The following RABL3 variants were observed in gnomAD, a reference collection of about 807,000 sequenced individuals.
The protein encoded by RABL3 is rab-like protein 3.
A neutral mutation model predicts 31.8 loss-of-function variants in RABL3; 31 were observed. The ratio of observed to expected loss-of-function variants is 0.97; its 90% CI spans 0.73 to 1.31. RABL3 has a LOEUF of 1.31. Ranked by LOEUF, RABL3 falls within the 40% of genes most tolerant of loss-of-function variation. The pLI is 0.00. For synonymous variants in RABL3, 97 were observed against 99.9 expected, an observed-to-expected ratio of 0.97 and a Z score of 0.18; for missense variants, 263 against 279.6, an observed-to-expected ratio of 0.94 and a Z score of 0.42.
intron 2 of RABL3, among the ~76,000 whole-genome samples, chr3:120,713,111 T>C (rs1461256970): frequency 5.3e-5 from 8 of 152,286 alleles, no homozygotes; most frequent in East Asian, 1.9e-4. Flanking sequence ...ATAGCCATCA[T>C]CCAATGTAAA....
chr3:120,741,921 A>G (rs1709048303), intron 1 of RABL3, among the ~76,000 whole-genome samples: 1 of 152,200 alleles, frequency 6.6e-6, no homozygotes, highest in Admixed American at 6.5e-5. Context: ...CGCGTTCAAA[A>G]GGATTCTGTC....
At chr3:120,731,717 A>G (rs1405054693) in intron 1 of RABL3, among the ~76,000 whole-genome samples, 2 of 152,070 alleles carry the variant, frequency 1.3e-5, no homozygotes, top group African/African-American at 2.4e-5. Context: ...CCTATTGTTT[A>G]TTTTTTATTA....
chr3:120,716,426 A>C (rs1266034914), intron 2 of RABL3, among the ~76,000 whole-genome samples: 4 of 152,182 alleles, frequency 2.6e-5, no homozygotes, highest in African/African-American at 9.7e-5. Flanking sequence ...CATTAAACTC[A>C]TTAGCTTCAC....
chr3:120,706,142 ATCCC>A, intron 3 of RABL3, 28 bp from the exon 4 acceptor site: 1 of 1,378,478 alleles, frequency 7.3e-7, no homozygotes, highest in Non-Finnish European at 1.0e-6. Context: ...AACAATGTTA[ATCCC>A]TTAACAATTC....
At chr3:120,692,947 G>A (rs1018877492) in intron 6 of RABL3, among the ~76,000 whole-genome samples, 1 of 152,088 alleles carries the variant, frequency 6.6e-6, no homozygotes, top group Admixed American at 6.5e-5. Context: ...AAACCAAATG[G>A]AAATTCTTAT....
At chr3:120,698,855 T>C (rs111738651) in intron 4 of RABL3, among the ~76,000 whole-genome samples, 12 of 152,194 alleles carry the variant, frequency 7.9e-5, no homozygotes. Flanking sequence ...TAAGTGCCCA[T>C]CAAGTATATT....
rs6802241 is a variant in RABL3, at chr3:120,685,903, G to C, written c.*3920C>G. ...AGAGTAAGGGAAGAGAGAGGAAATC[G>C]TGGAATCTGCATTTTCAGCAAGCAC... On this transcript the variant is annotated 3_prime_UTR_variant, in exon 8 of 8. Transcript: ENST00000273375. Among the ~76,000 whole-genome samples the C allele has an allele frequency of 0.73, 111,407 of 152,114 alleles. 40,880 individuals are homozygous for C. The highest frequency in any genetic ancestry group is 0.79 in the Admixed American group (12,043 of 15,280).
At chr3:120,694,287 T>C in intron 5 of RABL3, 63 bp from the exon 6 acceptor site, 2 of 1,048,948 alleles carry the variant, frequency 1.9e-6, no homozygotes, top group Non-Finnish European at 2.9e-6. Context: ...TTGCTATTCA[T>C]AACTTATCCT....
At chr3:120,734,750 CA>C (rs1176359521) in intron 1 of RABL3, among the ~76,000 whole-genome samples, 1 of 152,058 alleles carries the variant, frequency 6.6e-6, no homozygotes, top group East Asian at 1.9e-4. Context: ...GTTTTTAGCA[CA>C]AAGGGCTGTA....
In RABL3 at chr3:120,688,690, T is replaced by A. The variant is rs1708343409; in HGVS notation, c.*1133A>T. 1 of 152,196 alleles carries A rather than the reference T, an allele frequency of 6.6e-6. No homozygotes were observed. The highest frequency in any genetic ancestry group is 1.5e-5 in the Non-Finnish European group (1 of 68,038). 9.4% of individuals were successfully genotyped at this position (152,196 alleles called of 1,614,324 possible). A position where few individuals can be genotyped will look rare whatever the true frequency, so the allele number is the denominator to read the frequency against. On this transcript the variant is annotated 3_prime_UTR_variant, in exon 8 of 8. Coordinates refer to ENST00000273375, the MANE Select transcript of RABL3 (RefSeq NM_173825.5). Reference sequence around the variant, plus strand: ...AGAATACGGGTGATAGAGTGTTGAATAAATTGTTTTTAGAAATCAAATTCA... The same window carrying A: ...AGAATACGGGTGATAGAGTGTTGAAAAAATTGTTTTTAGAAATCAAATTCA...
At chr3:120,723,526 G>A (rs1362854991) in intron 2 of RABL3, among the ~76,000 whole-genome samples, 1 of 152,108 alleles carries the variant, frequency 6.6e-6, no homozygotes, top group Non-Finnish European at 1.5e-5. Context: ...TATCCCTGAG[G>A]AACAGCAATG....
rs545913119 is a variant in RABL3 at position 120,723,423 on chromosome 3, G to A, written c.138+7273C>T. On this transcript the variant is annotated intron_variant, in intron 2 of 7. Transcript: ENST00000273375. ...AAACTATTCCAATCAATAGAAAAAG[G>A]GGGAATCCTCCCTAACTCATTTTAT... Among the ~76,000 whole-genome samples, 18 of 152,142 alleles carry A rather than the reference G, an allele frequency of 1.2e-4. No homozygotes were observed. The South Asian group carries it at 3.5e-3, about 30-fold the overall frequency.
At chr3:120,708,114 G>C (rs1249972613) in intron 3 of RABL3, among the ~76,000 whole-genome samples, 1 of 151,976 alleles carries the variant, frequency 6.6e-6, no homozygotes, top group African/African-American at 2.4e-5. Context: ...AGGAAACTAA[G>C]GATAGTAGAT....
At chr3:120,696,217 C>T (rs1708434095) in intron 5 of RABL3, among the ~76,000 whole-genome samples, 1 of 152,012 alleles carries the variant, frequency 6.6e-6, no homozygotes, top group South Asian at 2.1e-4. Context: ...CTGATTCCAC[C>T]TTTGATGTAT....
At chr3:120,707,305 T>C (rs1225944974) in intron 3 of RABL3, among the ~76,000 whole-genome samples, 1 of 152,060 alleles carries the variant, frequency 6.6e-6, no homozygotes, top group Non-Finnish European at 1.5e-5. Flanking sequence ...TAATATCCAA[T>C]TGTACCCACT....
At chr3:120,726,512 G>A (rs1016438353) in intron 2 of RABL3, among the ~76,000 whole-genome samples, 1 of 151,954 alleles carries the variant, frequency 6.6e-6, no homozygotes. Flanking sequence ...TGTAATCCCC[G>A]GCCAGAGTAT....
chr3:120,709,675 T>C, intron 3 of RABL3, 105 bp downstream of exon 3: 1 of 844,026 alleles, frequency 1.2e-6, no homozygotes, highest in Non-Finnish European at 1.8e-6. Context: ...GAGTACATTA[T>C]ATCTTTCTCA....
At position 120,732,549 on chromosome 3, in the gene RABL3, TTTTA is replaced by T. The variant is rs537269457; in HGVS notation, c.47-1766_47-1763del. 2.0e-3 allele frequency among the ~76,000 whole-genome samples: 307 copies of T among 152,010 alleles called. 2 individuals are homozygous for T. The highest frequency in any genetic ancestry group is 3.5e-3 in the South Asian group (17 of 4,830). ...GCCCTGTATAAAGAAATATGTTTTA[TTTTA>T]TTTATTTATTTGTTTATTTTATTAT... On this transcript the variant is annotated intron_variant, in intron 1 of 7. Transcript: ENST00000273375.
At chr3:120,708,543 T>C (rs551630414) in intron 3 of RABL3, among the ~76,000 whole-genome samples, 1 of 152,138 alleles carries the variant, frequency 6.6e-6, no homozygotes, top group South Asian at 2.1e-4. Context: ...ATAGATATCT[T>C]AATTTGACAA....
Sources: gnomAD v4.1 joint callset for allele counts (sites outside exome capture counted in the v4.1 genomes callset) on GRCh38, gnomAD v4.1.1 for gene constraint, MANE v1.5 for transcripts, NCBI Gene and HGNC (gene_info 2026-07-23, HGNC 2026-07-21) for gene names.